SIPA1L1: variants seen among roughly 807,000 people sequenced by gnomAD.
SIPA1L1 encodes the protein signal induced proliferation associated 1 like 1.
Under a neutral mutation model 162.7 loss-of-function variants are expected in SIPA1L1, and 26 were observed. The ratio of observed to expected loss-of-function variants is 0.16; its 90% CI spans 0.12 to 0.22. The LOEUF (loss-of-function observed/expected upper bound fraction) is 0.22. SIPA1L1 is among the 10% of genes least tolerant of loss of function. The probability of loss-of-function intolerance (pLI) is 1.00; values close to 1 mark genes in which losing one functional copy is unlikely to be tolerated. For synonymous variants in SIPA1L1, 829 were observed against 837.4 expected, an observed-to-expected ratio of 0.99 and a Z score of 0.17; for missense variants, 1,874 against 2,241.0, an observed-to-expected ratio of 0.84 and a Z score of 3.31.
At chr14:71,606,833 G>A (rs372687118) in intron 5 of SIPA1L1, among the ~76,000 whole-genome samples, 161 of 151,994 alleles carry the variant, frequency 1.1e-3, no homozygotes, top group African/African-American at 3.6e-3. Flanking sequence ...TGAGCAATAC[G>A]GAAATAACCT....
intron 4 of SIPA1L1, among the ~76,000 whole-genome samples, chr14:71,534,680 A>G (rs1162596297): frequency 6.6e-6 from 1 of 152,220 alleles, no homozygotes; most frequent in African/African-American, 2.4e-5. Flanking sequence ...CAGTGTGTGC[A>G]GAGAGACCAT....
At chr14:71,462,516 A>G (rs548625919) in intron 2 of SIPA1L1, among the ~76,000 whole-genome samples, 3 of 152,332 alleles carry the variant, frequency 2.0e-5, no homozygotes, top group South Asian at 4.1e-4. Flanking sequence ...TAGGTCCACT[A>G]GGCGTTGTGC....
rs149278828 is a variant in SIPA1L1, at chr14:71,588,618, C to T, written c.746C>T (p.Thr249Ile). The T allele has an allele frequency of 3.5e-4, 567 of 1,613,960 alleles. No homozygotes were observed. Among genetic ancestry groups the T allele is most frequent in the Non-Finnish European group, 4.5e-4 (535 of 1,179,988 alleles). The change falls in exon 5 of 24, where the codon ACT becomes ATT. Residue 249 changes from threonine to isoleucine, a missense_variant. This residue lies in a region of SIPA1L1 where 685 missense variants were observed against 828.0 expected (regional missense o/e 0.83). Coordinates refer to ENST00000381232, the MANE Select transcript of SIPA1L1 (RefSeq NM_001386936.1). This position sits in a 1 kb window ranked among gnomAD's most constrained non-coding sequence, Gnocchi z 4.3. ...TPTKLSDFLI[T>I]GGGKGSGFSL... ...ACCAAGCTCAGTGACTTTCTCATTA[C>T]TGGTGGTGGCAAGGGTTCTGGTTTC... is the stretch of plus-strand genomic sequence containing the variant.
intron 12 of SIPA1L1, among the ~76,000 whole-genome samples, chr14:71,679,226 A>G (rs1032066440): frequency 9.9e-5 from 15 of 152,256 alleles, no homozygotes; most frequent in African/African-American, 3.4e-4. Context: ...CATCAGACTA[A>G]CAGTGGCTCT....
At chr14:71,414,622 TTA>T (rs1271257175) in intron 2 of SIPA1L1, among the ~76,000 whole-genome samples, 1 of 152,240 alleles carries the variant, frequency 6.6e-6, no homozygotes, top group African/African-American at 2.4e-5. Context: ...TGTTACATGT[TTA>T]TGTTTTCCCT....
At chr14:71,574,504 C>G (rs1221496984) in intron 4 of SIPA1L1, 3 of 152,192 alleles carry the variant, frequency 2.0e-5, no homozygotes, top group Admixed American at 2.0e-4. Context: ...ATTGCAAAAA[C>G]AGAGAGGCTA....
At chr14:71,518,427 T>G (rs932362210) in intron 3 of SIPA1L1, among the ~76,000 whole-genome samples, 2 of 152,200 alleles carry the variant, frequency 1.3e-5, no homozygotes, top group Non-Finnish European at 2.9e-5. Context: ...ATTAAATAAT[T>G]CAACCTTTCT....
At chr14:71,675,843 A>G (rs2045108402) in intron 12 of SIPA1L1, among the ~76,000 whole-genome samples, 1 of 152,150 alleles carries the variant, frequency 6.6e-6, no homozygotes, top group African/African-American at 2.4e-5. Context: ...GGAGGTGATG[A>G]CTGTATGTAA....
intron 2 of SIPA1L1, among the ~76,000 whole-genome samples, chr14:71,460,605 C>T (rs2046528396): frequency 6.6e-6 from 1 of 152,102 alleles, no homozygotes; most frequent in South Asian, 2.1e-4. Flanking sequence ...ATGGAATCAT[C>T]GTTGTGTCTC....
Position 71,373,289 on chromosome 14 carries a change from C to T in SIPA1L1, c.-465+52108C>T, listed in dbSNP as rs1428296075. On this transcript the variant is annotated intron_variant, in intron 2 of 23. Coordinates refer to ENST00000381232, the MANE Select transcript of SIPA1L1 (RefSeq NM_001386936.1). ...TCACGCCACTGCACTCCAACCTGTG[C>T]GACAGAGCAAGACTCCGTCTCAAAA... 3.7e-5 allele frequency among the ~76,000 whole-genome samples: 5 copies of T among 133,844 alleles called. No individual in the cohort carries two copies. In the East Asian group the frequency reaches 8.8e-4, roughly 24 times the overall value. 87.8% of individuals were successfully genotyped at this position (133,844 alleles called of 152,430 possible).
intron 7 of SIPA1L1, among the ~76,000 whole-genome samples, chr14:71,646,216 T>G (rs937207267): frequency 1.3e-5 from 2 of 150,316 alleles, no homozygotes; most frequent in African/African-American, 2.4e-5. Context: ...TTGCTCCGTC[T>G]CCCAGGCTGG....
chr14:71,660,570 T>C (rs924306733), intron 9 of SIPA1L1, among the ~76,000 whole-genome samples: 1 of 152,144 alleles, frequency 6.6e-6, no homozygotes, highest in African/African-American at 2.4e-5. Context: ...ATGTCACACT[T>C]AGTTGTTTTT....
chr14:71,536,081 T>A (rs1352312289), intron 4 of SIPA1L1, among the ~76,000 whole-genome samples: 1 of 151,788 alleles, frequency 6.6e-6, no homozygotes, highest in Non-Finnish European at 1.5e-5. Flanking sequence ...TCTCTGATTA[T>A]TCCACTAACA....
At chr14:71,389,504 C>T (rs2040587087) in intron 2 of SIPA1L1, among the ~76,000 whole-genome samples, 1 of 152,196 alleles carries the variant, frequency 6.6e-6, no homozygotes, top group African/African-American at 2.4e-5. Context: ...AATCTGACAT[C>T]TACTTAAAGT....
At chr14:71,394,015 C>T (rs2040982496) in intron 2 of SIPA1L1, among the ~76,000 whole-genome samples, 2 of 152,184 alleles carry the variant, frequency 1.3e-5, no homozygotes, top group African/African-American at 2.4e-5. Flanking sequence ...GTAGAATAAG[C>T]AAATCCTGTT....
At chr14:71,514,465 C>T (rs998990204) in intron 3 of SIPA1L1, among the ~76,000 whole-genome samples, 1 of 152,152 alleles carries the variant, frequency 6.6e-6, no homozygotes, top group Non-Finnish European at 1.5e-5. Context: ...CCATTGAGAA[C>T]TTATTAGGAA....
At chr14:71,684,431 G>A (rs886388441) in intron 12 of SIPA1L1, among the ~76,000 whole-genome samples, 3 of 152,216 alleles carry the variant, frequency 2.0e-5, no homozygotes, top group Non-Finnish European at 4.4e-5. Flanking sequence ...CCTCATCCAC[G>A]TCAAGACCAG....
intron 2 of SIPA1L1, among the ~76,000 whole-genome samples, chr14:71,327,836 ACTT>A (rs1384571782): frequency 6.6e-5 from 10 of 152,284 alleles, no homozygotes; most frequent in African/African-American, 2.4e-4. Flanking sequence ...CCAGAGCCTA[ACTT>A]CTTAGTAGCT....
At chr14:71,708,015 GTTTTTTTTTTTTTGTTTTT>G (rs1270381998) in intron 16 of SIPA1L1, among the ~76,000 whole-genome samples, 1 of 100,302 alleles carries the variant, frequency 1.0e-5, no homozygotes, top group Admixed American at 1.1e-4. Flanking sequence ...GTTTTTTGGT[GTTTTTTTTTTTTTGTTTTT>G]TTTTTTTTTT....
Sources: gnomAD v4.1 joint callset for allele counts (sites outside exome capture counted in the v4.1 genomes callset) on GRCh38, gnomAD v4.1.1 for gene constraint, gnomAD v4.1.1 regional missense constraint, Gnocchi (gnomAD v3.1) non-coding constraint, MANE v1.5 for transcripts, NCBI Gene and HGNC (gene_info 2026-07-23, HGNC 2026-07-21) for gene names.